Variants in SLC25A33 observed in about 807,000 individuals in gnomAD.
The protein encoded by SLC25A33 is bone marrow stromal cell mitochondrial carrier protein.
Under a neutral mutation model 35.5 loss-of-function variants are expected in SLC25A33, and 15 were observed. The ratio of observed to expected loss-of-function variants is 0.42; its 90% CI spans 0.28 to 0.65. The LOEUF (loss-of-function observed/expected upper bound fraction) is 0.65. Among genes scored for constraint, SLC25A33 ranks in the 30% least tolerant of loss-of-function variants. SLC25A33 has a pLI of 0.20. For synonymous variants in SLC25A33, 136 were observed against 148.7 expected (o/e 0.91, Z 0.62); for missense variants, 257 against 398.5 (o/e 0.64, Z 3.02).
chr1:9,570,443 A>G, intron 4 of SLC25A33, 85 bp downstream of exon 4: 4 of 1,169,200 alleles, frequency 3.4e-6, no homozygotes, highest in Non-Finnish European at 5.0e-6. Context: ...GGAATTAGAA[A>G]TTAGCTCCTT....
At chr1:9,580,258 A>C in intron 6 of SLC25A33, 24 bp downstream of exon 6, 1 of 1,605,054 alleles carries the variant, frequency 6.2e-7, no homozygotes, top group Non-Finnish European at 8.5e-7. Flanking sequence ...TTGTTCTTCC[A>C]GAGCAGTAAA....
intron 5 of SLC25A33, chr1:9,577,116 A>G: frequency 2.0e-6 from 1 of 493,566 alleles, no homozygotes; most frequent in South Asian, 2.0e-5. Flanking sequence ...GCGGCAGAGA[A>G]GAGTCTTTTG....
intron 5 of SLC25A33, among the ~76,000 whole-genome samples, chr1:9,577,624 C>G (rs898468697): frequency 6.6e-6 from 1 of 152,094 alleles, no homozygotes; most frequent in Non-Finnish European, 1.5e-5. Context: ...CAGGGGAGCC[C>G]GATCCTTCCC....
chr1:9,569,768 AG>A (rs1182550229), intron 3 of SLC25A33, among the ~76,000 whole-genome samples: 1 of 152,156 alleles, frequency 6.6e-6, no homozygotes, highest in Non-Finnish European at 1.5e-5. Flanking sequence ...TAGTCAAGGC[AG>A]GGGGTGGCGG....
intron 5 of SLC25A33, among the ~76,000 whole-genome samples, chr1:9,573,978 TTG>T: frequency 6.7e-6 from 1 of 150,066 alleles, no homozygotes; most frequent in East Asian, 2.0e-4. Context: ...TGTTTTTTTG[TTG>T]TTGTTGTTGT....
intron 1 of SLC25A33, among the ~76,000 whole-genome samples, chr1:9,548,993 C>G (rs1041773359): frequency 1.3e-5 from 2 of 152,194 alleles, no homozygotes; most frequent in Non-Finnish European, 2.9e-5. Context: ...GTCCCCAACT[C>G]TGTCCCCGGC....
In SLC25A33 at chr1:9,564,734, AAAAAAATATATAT is replaced by A. The variant is rs1185300204; in HGVS notation, c.237-2548_237-2536del. Among the ~76,000 whole-genome samples the A allele has an allele frequency of 1.9e-3, 153 of 79,946 alleles. 5 individuals are homozygous for A. The highest frequency in any genetic ancestry group is 7.9e-3 in the African/African-American group (150 of 19,028). The allele number at this position is 79,946 out of a possible 152,430, so 52.4% of individuals were successfully genotyped here. On this transcript the variant is annotated intron_variant, in intron 2 of 6. Coordinates refer to ENST00000302692, the MANE Select transcript of SLC25A33 (RefSeq NM_032315.3). ...ACACCTCGTCTCTATTTAAAAAAAA[AAAAAAATATATAT>A]ATATATATATATATATATACACAAA...
intron 1 of SLC25A33, among the ~76,000 whole-genome samples, chr1:9,548,836 A>G (rs1162507554): frequency 1.3e-5 from 2 of 152,318 alleles, no homozygotes; most frequent in Middle Eastern, 3.4e-3. Context: ...TGGCTACTGG[A>G]GCCCTCAGAT....
chr1:9,557,475 C>G (rs1343268257), intron 2 of SLC25A33, among the ~76,000 whole-genome samples: 1 of 152,076 alleles, frequency 6.6e-6, no homozygotes, highest in African/African-American at 2.4e-5. Flanking sequence ...AAATGGATTG[C>G]TTGAGCTGAG....
chr1:9,558,638 G>T (rs1643378606), intron 2 of SLC25A33, among the ~76,000 whole-genome samples: 1 of 152,122 alleles, frequency 6.6e-6, no homozygotes, highest in South Asian at 2.1e-4. Flanking sequence ...AAGCTTCATA[G>T]TCATCCTTGG....
chr1:9,550,042 A>T (rs1643244366), intron 1 of SLC25A33, among the ~76,000 whole-genome samples: 3 of 27,450 alleles, frequency 1.1e-4, no homozygotes, highest in South Asian at 1.2e-3. Flanking sequence ...TTTTTTTGAG[A>T]CGGGGTCTCA....
chr1:9,547,760 G>A (rs554720833), intron 1 of SLC25A33, among the ~76,000 whole-genome samples: 6 of 150,352 alleles, frequency 4.0e-5, no homozygotes, highest in African/African-American at 9.8e-5. Flanking sequence ...GGACAAAATT[G>A]CCCCAATTGA....
intron 3 of SLC25A33, among the ~76,000 whole-genome samples, chr1:9,569,866 G>A (rs147947281): frequency 6.6e-6 from 1 of 152,138 alleles, no homozygotes; most frequent in East Asian, 1.9e-4. Context: ...AATTATGTTT[G>A]ACATTCTCAT....
intron 1 of SLC25A33, among the ~76,000 whole-genome samples, chr1:9,543,844 G>A (rs778149221): frequency 5.3e-5 from 8 of 152,132 alleles, no homozygotes; most frequent in East Asian, 1.9e-4. Flanking sequence ...GGTGGCTCAC[G>A]CCTGTAATGC....
chr1:9,577,666 G>C (rs191846420), intron 5 of SLC25A33, among the ~76,000 whole-genome samples: 114 of 152,246 alleles, frequency 7.5e-4, no homozygotes, highest in Non-Finnish European at 1.5e-3. Flanking sequence ...GTTGGGCTTT[G>C]AGGGCAGTGG....
At chr1:9,546,801 G>T (rs1643178213) in intron 1 of SLC25A33, among the ~76,000 whole-genome samples, 1 of 152,104 alleles carries the variant, frequency 6.6e-6, no homozygotes, top group Non-Finnish European at 1.5e-5. Flanking sequence ...TCAGGTGAGG[G>T]CTTAGCTGAG....
At chr1:9,560,708 G>A (rs1199745937) in intron 2 of SLC25A33, among the ~76,000 whole-genome samples, 1 of 150,784 alleles carries the variant, frequency 6.6e-6, no homozygotes, top group Non-Finnish European at 1.5e-5. Context: ...TTAAAGAAAA[G>A]TATTCTGTTA....
chr1:9,577,198 C>T (rs569242760), intron 5 of SLC25A33, among the ~76,000 whole-genome samples: 2 of 152,150 alleles, frequency 1.3e-5, no homozygotes, highest in South Asian at 2.1e-4. Flanking sequence ...TGCCTCACAC[C>T]TGTAATCCCA....
intron 2 of SLC25A33, among the ~76,000 whole-genome samples, chr1:9,559,763 T>C (rs1643394752): frequency 6.6e-6 from 1 of 152,176 alleles, no homozygotes; most frequent in African/African-American, 2.4e-5. Flanking sequence ...GCCACCATCC[T>C]CTCTCACCTG....
Sources: gnomAD v4.1 joint callset for allele counts (sites outside exome capture counted in the v4.1 genomes callset) on GRCh38, gnomAD v4.1.1 for gene constraint, MANE v1.5 for transcripts, NCBI Gene and HGNC (gene_info 2026-07-23, HGNC 2026-07-21) for gene names.